TCERG1L: variants seen among roughly 807,000 people sequenced by gnomAD.
TCERG1L encodes transcription elongation regulator 1-like protein.
Under a neutral mutation model 56.3 loss-of-function variants are expected in TCERG1L, and 37 were observed. The observed-to-expected ratio is 0.66, with a 90% confidence interval of 0.51 to 0.87. The LOEUF (loss-of-function observed/expected upper bound fraction) is 0.87, where lower values mean the gene tolerates loss of function less well. Among genes scored for constraint, TCERG1L ranks in the 40% least tolerant of loss-of-function variants. The probability of loss-of-function intolerance (pLI) is 0.00; values close to 1 mark genes in which losing one functional copy is unlikely to be tolerated. For synonymous variants in TCERG1L, 324 were observed against 326.3 expected (o/e 0.99, Z 0.08); for missense variants, 799 against 774.2 (o/e 1.03, Z -0.38).
At chr10:131,187,350 C>T (rs1372902457) in intron 4 of TCERG1L, among the ~76,000 whole-genome samples, 1 of 152,174 alleles carries the variant, frequency 6.6e-6, no homozygotes, top group Non-Finnish European at 1.5e-5. Context: ...AATCCAAGGC[C>T]CAGCCATTGC....
In TCERG1L at chr10:131,093,246, G is replaced by T. The variant is rs1200857956; in HGVS notation, c.1677C>A (p.Asp559Glu). The T allele has an allele frequency of 9.3e-6, 15 of 1,613,942 alleles. No homozygotes were observed. Among genetic ancestry groups the T allele is most frequent in the Non-Finnish European group, 1.2e-5 (14 of 1,179,850 alleles). ...TGAATTGGTTGAAAAAATGCTCCTG[G>T]TCCTTTCTTTTTTGAACAAGTCGGA... ...QRFRLVQKRK[D>E]QEHFFNQFIL... is the part of the protein sequence containing the mutation. The change falls in exon 12 of 12, where the codon GAC (aspartate) becomes GAA (glutamate). Residue 559 changes from aspartate (D) to glutamate (E), a missense_variant. Physicochemically the swap from Asp to Glu is conservative, Grantham distance 45. Coordinates refer to ENST00000368642, the MANE Select transcript of TCERG1L (RefSeq NM_174937.4).
rs560381963 is a variant in TCERG1L, at chr10:131,093,581, C to T, written c.1605-263G>A. On this transcript the variant is annotated intron_variant, in intron 11 of 11. Coordinates refer to ENST00000368642, the MANE Select transcript of TCERG1L (RefSeq NM_174937.4). ...TCCGGAAATGAGCGGCCCCCACCAG[C>T]CTCCTCAGCCGTCTCATGCAGCTGT... Among the ~76,000 whole-genome samples, 37 of 152,316 alleles carry T rather than the reference C, an allele frequency of 2.4e-4. No homozygotes were observed. The East Asian group carries it at 6.6e-3, about 27-fold the overall frequency.
intron 7 of TCERG1L, among the ~76,000 whole-genome samples, chr10:131,140,608 C>T (rs1394091176): frequency 6.6e-6 from 1 of 152,222 alleles, no homozygotes. Flanking sequence ...AGGACTGTGG[C>T]TTTCCTGGGC....
chr10:131,265,988 C>G (rs888571961), intron 3 of TCERG1L, among the ~76,000 whole-genome samples: 2 of 152,248 alleles, frequency 1.3e-5, no homozygotes, highest in Admixed American at 1.3e-4. Flanking sequence ...CGCAGTAGAA[C>G]TTTCAAAATT....
intron 4 of TCERG1L, among the ~76,000 whole-genome samples, chr10:131,188,553 C>A (rs1845270987): frequency 1.3e-5 from 2 of 152,186 alleles, no homozygotes; most frequent in African/African-American, 4.8e-5. Context: ...ATTTCCATTA[C>A]TCCTACATTC....
chr10:131,207,086 C>T (rs775240951), intron 4 of TCERG1L, among the ~76,000 whole-genome samples: 95 of 152,310 alleles, frequency 6.2e-4, no homozygotes, highest in Non-Finnish European at 9.3e-4. Flanking sequence ...TCGGAGTGGG[C>T]GCAACTCTGC....
At chr10:131,133,696 G>A (rs6482862) in intron 8 of TCERG1L, among the ~76,000 whole-genome samples, 53,529 of 151,958 alleles carry the variant, frequency 0.35, 10,055 homozygotes, top group South Asian at 0.48. Flanking sequence ...AAACTCACAG[G>A]CAAGGCAGGG....
At chr10:131,190,619 G>A (rs1368550872) in intron 4 of TCERG1L, among the ~76,000 whole-genome samples, 1 of 143,512 alleles carries the variant, frequency 7.0e-6, no homozygotes, top group South Asian at 2.2e-4. Flanking sequence ...TTTAACACAC[G>A]CAAGTCATTT....
intron 8 of TCERG1L, among the ~76,000 whole-genome samples, chr10:131,127,225 C>T (rs1353209008): frequency 6.6e-6 from 1 of 152,186 alleles, no homozygotes; most frequent in South Asian, 2.1e-4. Context: ...GAACAAAAGG[C>T]CCATAGACAA....
intron 3 of TCERG1L, among the ~76,000 whole-genome samples, chr10:131,281,717 G>C (rs1331663416): frequency 6.7e-6 from 1 of 149,028 alleles, no homozygotes; most frequent in African/African-American, 2.5e-5. Flanking sequence ...TGGGAATTTC[G>C]TGTTCTTGTT....
At chr10:131,257,997 T>C (rs1242991525) in intron 4 of TCERG1L, among the ~76,000 whole-genome samples, 1 of 152,224 alleles carries the variant, frequency 6.6e-6, no homozygotes, top group African/African-American at 2.4e-5. Flanking sequence ...AGAGCAAACT[T>C]TGGAGTGAGC....
intron 11 of TCERG1L, among the ~76,000 whole-genome samples, chr10:131,096,590 C>A (rs570441096): frequency 6.6e-6 from 1 of 152,186 alleles, no homozygotes; most frequent in Non-Finnish European, 1.5e-5. Context: ...TAGAAAGCAT[C>A]AATTAATGTC....
At chr10:131,277,171 G>T (rs1459066376) in intron 3 of TCERG1L, among the ~76,000 whole-genome samples, 2 of 152,106 alleles carry the variant, frequency 1.3e-5, no homozygotes. Context: ...CCGGGCTTGG[G>T]AGGGCGGGGC....
At chr10:131,172,605 G>T (rs529707790) in intron 4 of TCERG1L, among the ~76,000 whole-genome samples, 1 of 152,236 alleles carries the variant, frequency 6.6e-6, no homozygotes, top group Non-Finnish European at 1.5e-5. Flanking sequence ...ACGCGCGCTG[G>T]CTCCGCTCGC....
At chr10:131,193,642 T>A (rs990767498) in intron 4 of TCERG1L, among the ~76,000 whole-genome samples, 2 of 152,218 alleles carry the variant, frequency 1.3e-5, no homozygotes, top group Non-Finnish European at 2.9e-5. Context: ...CAGAGATCAG[T>A]TGGCTGTAAA....
At chr10:131,265,273 TTTC>T (rs1461280775) in intron 3 of TCERG1L, among the ~76,000 whole-genome samples, 2 of 152,202 alleles carry the variant, frequency 1.3e-5, no homozygotes, top group East Asian at 3.9e-4. Context: ...ATAAGGAAAC[TTTC>T]TTATCTGTCT....
At position 131,092,582 on chromosome 10, in the gene TCERG1L, G is replaced by A. The variant is rs988115935; in HGVS notation, c.*580C>T. 2.6e-5 allele frequency: 4 copies of A among 152,582 alleles called. No individual in the cohort carries two copies. The highest frequency in any genetic ancestry group is 2.1e-4 in the South Asian group (1 of 4,824). 9.5% of individuals were successfully genotyped at this position (152,582 alleles called of 1,614,324 possible). A position where few individuals can be genotyped will look rare whatever the true frequency, so the allele number is the denominator to read the frequency against. ...ACGGCTCCCTGCTCCAGGCCGGGACGCCCCTCTGGGAGGAACGCGCGGCCA... is the reference window on the plus strand; with the variant it reads ...ACGGCTCCCTGCTCCAGGCCGGGACACCCCTCTGGGAGGAACGCGCGGCCA... On this transcript the variant is annotated 3_prime_UTR_variant, in exon 12 of 12. Coordinates refer to ENST00000368642, the MANE Select transcript of TCERG1L (RefSeq NM_174937.4).
In TCERG1L at chr10:131,118,475, T is replaced by C. The variant is rs1337170878; in HGVS notation, c.1260-1541A>G. Among the ~76,000 whole-genome samples, 1 of 152,160 alleles carries C rather than the reference T, an allele frequency of 6.6e-6. No individual in the cohort carries two copies. Among genetic ancestry groups the C allele is most frequent in the African/African-American group, 2.4e-5 (1 of 41,448 alleles). On this transcript the variant is annotated intron_variant, in intron 8 of 11. Transcript: ENST00000368642. This position sits in a 1 kb window ranked among gnomAD's most constrained non-coding sequence, Gnocchi z 4.2. ...TCTGAACTTCATGCTCACCTTTGCA[T>C]TGCCCAATGTGAGCAACGGTCCTGC...
intron 4 of TCERG1L, among the ~76,000 whole-genome samples, chr10:131,233,475 GACACGCACACACGCTCACACAC>G (rs1265880694): frequency 1.3e-5 from 2 of 149,746 alleles, no homozygotes; most frequent in Admixed American, 6.7e-5. Context: ...CACACACACA[GACACGCACACACGCTCACACAC>G]ACACACATGC....
Sources: gnomAD v4.1 joint callset for allele counts (sites outside exome capture counted in the v4.1 genomes callset) on GRCh38, gnomAD v4.1.1 for gene constraint, Gnocchi (gnomAD v3.1) non-coding constraint, MANE v1.5 for transcripts, NCBI Gene and HGNC (gene_info 2026-07-23, HGNC 2026-07-21) for gene names.